COMMD1: variants seen among roughly 807,000 people sequenced by gnomAD.
The protein encoded by COMMD1 is copper metabolism domain containing 1.
Under a neutral mutation model 17.2 loss-of-function variants are expected in COMMD1, and 10 were observed. The ratio of observed to expected loss-of-function variants is 0.58; its 90% CI spans 0.36 to 0.99. COMMD1 has a LOEUF of 0.99. Ranked by LOEUF, COMMD1 falls within the 50% of genes least tolerant of loss-of-function variation. The pLI is 0.01. For synonymous variants in COMMD1, 97 were observed against 91.6 expected (o/e 1.06, Z -0.34); for missense variants, 270 against 231.8 (o/e 1.17, Z -1.07).
chr2:62,119,259 G>A (rs1276110256), intron 2 of COMMD1, among the ~76,000 whole-genome samples: 1 of 152,104 alleles, frequency 6.6e-6, no homozygotes, highest in Non-Finnish European at 1.5e-5. Flanking sequence ...CCTTCATCTT[G>A]GACTTCTAGC....
chr2:61,928,795 C>T (rs1558524814), intron 1 of COMMD1: 1 of 152,088 alleles, frequency 6.6e-6, no homozygotes, highest in African/African-American at 2.4e-5. Context: ...TGAAACAGGT[C>T]ATAAAAACCT....
At chr2:62,127,304 A>G (rs1238387875) in intron 2 of COMMD1, among the ~76,000 whole-genome samples, 1 of 152,232 alleles carries the variant, frequency 6.6e-6, no homozygotes, top group Non-Finnish European at 1.5e-5. Context: ...ATACTGCCCA[A>G]AGTAATTTAT....
chr2:62,087,453 A>T (rs1221158860), intron 2 of COMMD1, among the ~76,000 whole-genome samples: 2 of 152,212 alleles, frequency 1.3e-5, no homozygotes, highest in Non-Finnish European at 2.9e-5. Context: ...CCTCATTAAA[A>T]ACCTTGATAA....
chr2:62,019,076 CTCTCTCTTTCTT>C (rs1669535780), intron 2 of COMMD1, among the ~76,000 whole-genome samples: 2 of 118,930 alleles, frequency 1.7e-5, no homozygotes, highest in South Asian at 3.2e-4. Context: ...CTCTCTTTCT[CTCTCTCTTTCTT>C]TCTCTCTCTC....
At chr2:62,026,657 A>C (rs1669765583) in intron 2 of COMMD1, among the ~76,000 whole-genome samples, 1 of 152,190 alleles carries the variant, frequency 6.6e-6, no homozygotes, top group Admixed American at 6.5e-5. Flanking sequence ...TGTATTCTTT[A>C]GGGAGATGAC....
At chr2:61,949,528 T>C (rs1670996355) in intron 1 of COMMD1, among the ~76,000 whole-genome samples, 1 of 152,188 alleles carries the variant, frequency 6.6e-6, no homozygotes. Context: ...TCCCAAAAAG[T>C]GTGTAGAAGA....
intron 1 of COMMD1, among the ~76,000 whole-genome samples, chr2:61,993,362 A>G (rs1034466316): frequency 1.3e-5 from 2 of 152,164 alleles, no homozygotes; most frequent in African/African-American, 4.8e-5. Context: ...TTTCGAACTC[A>G]TTTTACTGCC....
intron 2 of COMMD1, among the ~76,000 whole-genome samples, chr2:62,096,354 T>A (rs972916901): frequency 3.9e-5 from 6 of 152,232 alleles, no homozygotes; most frequent in Admixed American, 6.5e-5. Flanking sequence ...TTTCACTACA[T>A]TTTAGAATGA....
At chr2:61,913,596 C>T (rs1669969109) in intron 1 of COMMD1, among the ~76,000 whole-genome samples, 1 of 147,668 alleles carries the variant, frequency 6.8e-6, no homozygotes, top group South Asian at 2.1e-4. Flanking sequence ...AAAATTAGCT[C>T]TACTAAAAAT....
intron 1 of COMMD1, among the ~76,000 whole-genome samples, chr2:61,959,739 A>T (rs1346328682): frequency 6.6e-6 from 1 of 152,192 alleles, no homozygotes; most frequent in Non-Finnish European, 1.5e-5. Context: ...GCAAAAAAAG[A>T]ATTAACGCCG....
intron 1 of COMMD1, among the ~76,000 whole-genome samples, chr2:61,922,711 T>G (rs574908883): frequency 3.3e-5 from 5 of 152,210 alleles, no homozygotes; most frequent in African/African-American, 1.2e-4. Flanking sequence ...AACAGACAAA[T>G]GTGAAGTAAT....
intron 2 of COMMD1, among the ~76,000 whole-genome samples, chr2:62,030,589 C>T (rs1669885982): frequency 6.6e-6 from 1 of 152,160 alleles, no homozygotes; most frequent in Non-Finnish European, 1.5e-5. Flanking sequence ...AATCTAGAGG[C>T]TGATGAGATT....
At chr2:62,077,755 G>A (rs1183247792) in intron 2 of COMMD1, among the ~76,000 whole-genome samples, 3 of 152,124 alleles carry the variant, frequency 2.0e-5, no homozygotes, top group Non-Finnish European at 4.4e-5. Context: ...AAGGTCCTGA[G>A]AACCCAAGGT....
chr2:62,092,388 G>C (rs1671857194), intron 2 of COMMD1, among the ~76,000 whole-genome samples: 1 of 152,208 alleles, frequency 6.6e-6, no homozygotes, highest in African/African-American at 2.4e-5. Flanking sequence ...TGTAGCTCTA[G>C]AGACTGGCTG....
intron 1 of COMMD1, among the ~76,000 whole-genome samples, chr2:61,986,523 C>A (rs1194932965): frequency 6.8e-6 from 1 of 147,904 alleles, no homozygotes; most frequent in East Asian, 1.9e-4. Flanking sequence ...TTAGAGAAGC[C>A]CTTTTGAGGC....
At chr2:62,107,378 A>T (rs143024646) in intron 2 of COMMD1, among the ~76,000 whole-genome samples, 22 of 152,318 alleles carry the variant, frequency 1.4e-4, no homozygotes, top group African/African-American at 4.8e-4. Flanking sequence ...TTGTTGCAGA[A>T]GAAACAAAAA....
At chr2:62,089,237 A>G (rs1036405418) in intron 2 of COMMD1, among the ~76,000 whole-genome samples, 1 of 151,674 alleles carries the variant, frequency 6.6e-6, no homozygotes, top group Admixed American at 6.6e-5. Context: ...TTCCCCTACA[A>G]GGATGACTTT....
At chr2:61,939,474 A>C (rs1001215145) in intron 1 of COMMD1, among the ~76,000 whole-genome samples, 1 of 151,986 alleles carries the variant, frequency 6.6e-6, no homozygotes, top group Non-Finnish European at 1.5e-5. Flanking sequence ...TCAGAAAAAA[A>C]AGAAAAAAAA....
chr2:62,081,299 T>G (rs1442125925), intron 2 of COMMD1, among the ~76,000 whole-genome samples: 1 of 151,660 alleles, frequency 6.6e-6, no homozygotes, highest in Non-Finnish European at 1.5e-5. Flanking sequence ...TTGCCCAGGC[T>G]GGAGTGCAAT....
Sources: allele counts gnomAD v4.1 joint callset (sites outside exome capture counted in the v4.1 genomes callset), GRCh38; gene constraint gnomAD v4.1.1; transcripts MANE v1.5; gene names NCBI Gene and HGNC (gene_info 2026-07-23, HGNC 2026-07-21).